Variants in SCEL observed in about 807,000 individuals in gnomAD.
SCEL encodes the protein sciellin.
SCEL carries 113 observed loss-of-function variants against 117.6 expected under a neutral mutation model. The observed-to-expected ratio is 0.96, with a 90% CI of 0.83 to 1.12. The LOEUF (loss-of-function observed/expected upper bound fraction) is 1.12, where lower values mean the gene tolerates loss of function less well. Ranked by LOEUF, SCEL falls within the 50% of genes most tolerant of loss-of-function variation. SCEL has a pLI of 0.00. For missense variants in SCEL, 785 were observed against 810.8 expected (o/e 0.97, Z 0.39); for synonymous variants, 270 against 256.2 (o/e 1.05, Z -0.51).
At chr13:77,609,991 C>T in intron 21 of SCEL, 56 bp from the exon 22 acceptor site, 1 of 1,093,082 alleles carries the variant, frequency 9.1e-7, no homozygotes, top group Non-Finnish European at 1.3e-6. Flanking sequence ...TTTTAACAAA[C>T]ACTTGAAACC....
chr13:77,551,052 G>C (rs1376654944), intron 1 of SCEL, among the ~76,000 whole-genome samples: 1 of 152,202 alleles, frequency 6.6e-6, no homozygotes, highest in Non-Finnish European at 1.5e-5. Context: ...CAGCAGCCTA[G>C]TCTTGCAGTG....
At chr13:77,609,001 A>G (rs1024492673) in intron 20 of SCEL, 57 bp from the exon 21 acceptor site, 9 of 1,346,336 alleles carry the variant, frequency 6.7e-6, no homozygotes, top group Non-Finnish European at 9.3e-6. Flanking sequence ...AAATCAAAAC[A>G]GTCAATTGAT....
chr13:77,576,693 T>G (rs1024859575), intron 9 of SCEL, among the ~76,000 whole-genome samples: 4 of 152,216 alleles, frequency 2.6e-5, no homozygotes, highest in Non-Finnish European at 5.9e-5. Context: ...GGTAGTTTAA[T>G]GGGAATAGCA....
At chr13:77,633,442 CAAAA>C (rs59939208) in intron 28 of SCEL, among the ~76,000 whole-genome samples, 1,210 of 29,964 alleles carry the variant, frequency 0.04, 32 homozygotes, top group African/African-American at 0.11. Flanking sequence ...GACTCCGCCT[CAAAA>C]AAAAAAAAAA....
At position 77,621,474 on chromosome 13, in the gene SCEL, CT is replaced by C. The variant is rs747011454; in HGVS notation, c.1628+3415del. ...CTCACTCAGGCTCTGGGAAGCCCCC[CT>C]GACCCACCATGTGTGCATCAGATGC... On this transcript the variant is annotated intron_variant, in intron 27 of 32. Transcript: ENST00000349847. Among the ~76,000 whole-genome samples the C allele has an allele frequency of 1.4e-3, 210 of 152,320 alleles. 3 individuals are homozygous for C. Among genetic ancestry groups the C allele is most frequent in the East Asian group, 1.2e-3 (6 of 5,178 alleles).
Position 77,569,973 on chromosome 13 carries a change from G to A in SCEL, c.479+522G>A, listed in dbSNP as rs188434543. Among the ~76,000 whole-genome samples the A allele has an allele frequency of 2.5e-3, 377 of 152,278 alleles. 2 individuals are homozygous for A. The highest frequency in any genetic ancestry group is 8.3e-3 in the African/African-American group (346 of 41,548). ...GTCCTATGTAATTAGCAGGTACAGA[G>A]GAGTAGTTGGACCAATGGTGACCAA... On this transcript the variant is annotated intron_variant, in intron 8 of 32. Transcript: ENST00000349847.
At chr13:77,591,688 A>G (rs2086880318) in intron 11 of SCEL, among the ~76,000 whole-genome samples, 1 of 152,220 alleles carries the variant, frequency 6.6e-6, no homozygotes, top group Admixed American at 6.5e-5. Flanking sequence ...TGAACAAGGT[A>G]ACAGGATAAG....
chr13:77,552,015 G>A (rs916636694), intron 1 of SCEL, among the ~76,000 whole-genome samples: 1 of 151,614 alleles, frequency 6.6e-6, no homozygotes, highest in African/African-American at 2.4e-5. Context: ...CCCTACAAAG[G>A]ACATGAACTC....
At chr13:77,584,140 A>T (rs1007055599) in intron 9 of SCEL, among the ~76,000 whole-genome samples, 8 of 152,208 alleles carry the variant, frequency 5.3e-5, no homozygotes, top group Admixed American at 5.2e-4. Context: ...AATTCAATGA[A>T]GATCATTCCA....
intron 27 of SCEL, among the ~76,000 whole-genome samples, chr13:77,626,617 A>G (rs73231004): frequency 0.17 from 25,245 of 152,026 alleles, 2,446 homozygotes; most frequent in East Asian, 0.45. Context: ...GAGATCTGAT[A>G]GTTTAAAAGT....
chr13:77,546,075 G>A (rs1430839727), intron 1 of SCEL, among the ~76,000 whole-genome samples: 1 of 152,178 alleles, frequency 6.6e-6, no homozygotes, highest in East Asian at 1.9e-4. Context: ...GATAGATTCA[G>A]GGAAGGAGTC....
intron 1 of SCEL, 86 bp from the exon 2 acceptor site, chr13:77,555,771 G>T: frequency 1.1e-6 from 1 of 899,244 alleles, no homozygotes; most frequent in South Asian, 1.5e-5. Context: ...CACTGTCATT[G>T]AAAAGTGAAT....
chr13:77,547,354 C>CT lies in SCEL; in HGVS notation c.-19-8496dup, dbSNP rs1325077923. 5.3e-5 allele frequency among the ~76,000 whole-genome samples: 8 copies of CT among 152,078 alleles called. No homozygotes were observed. In the East Asian group the frequency reaches 5.8e-4, roughly 11 times the overall value. On this transcript the variant is annotated intron_variant, in intron 1 of 32. Transcript: ENST00000349847. Reference sequence around the variant, plus strand: ...ACTAACTGCTTTAAGAATGAAAATTCTTTTTTTAAAATAAAAAAATTCATG... The same window carrying CT: ...ACTAACTGCTTTAAGAATGAAAATTCTTTTTTTTAAAATAAAAAAATTCATG...
intron 5 of SCEL, among the ~76,000 whole-genome samples, chr13:77,565,682 G>C (rs1017936189): frequency 6.6e-6 from 1 of 152,192 alleles, no homozygotes; most frequent in African/African-American, 2.4e-5. Context: ...TTTTAATAAT[G>C]ATGCACTTGT....
chr13:77,618,014 G>A lies in SCEL; in HGVS notation c.1582G>A (p.Asp528Asn), dbSNP rs2089183616. The A allele has an allele frequency of 6.2e-7, 1 of 1,613,212 alleles. No homozygotes were observed. The highest frequency in any genetic ancestry group is 1.1e-5 in the South Asian group (1 of 91,050). The change falls in exon 27 of 33, where the codon GAC (aspartate) becomes AAC (asparagine). Residue 528 changes from aspartate (D) to asparagine (N), a missense_variant. Asp to Asn is a conservative substitution (Grantham distance 23, BLOSUM62 1). Coordinates refer to ENST00000349847, the MANE Select transcript of SCEL (RefSeq NM_144777.3). ...VIRNNQSQDL[D>N]NLIKVKPSAL... ...CTCTCTTTTAAACAGCCAAGACTTG[G>A]ACAATCTTATTAAAGTGAAACCTTC...
At chr13:77,639,091 C>CATGCAGTGGATGCTCTTT (rs2090438333) in intron 30 of SCEL, among the ~76,000 whole-genome samples, 1 of 152,022 alleles carries the variant, frequency 6.6e-6, no homozygotes, top group South Asian at 2.1e-4. Flanking sequence ...ATCTAGTTTC[C>CATGCAGTGGATGCTCTTT]CCAGTGGAAA....
intron 27 of SCEL, among the ~76,000 whole-genome samples, chr13:77,622,767 C>T (rs956814009): frequency 9.2e-5 from 14 of 152,036 alleles, no homozygotes; most frequent in Non-Finnish European, 1.5e-4. Context: ...GAAGCTAAGA[C>T]GGGAAGATTG....
At chr13:77,640,629 C>G (rs747801284) in intron 30 of SCEL, 47 bp from the exon 31 acceptor site, 1 of 977,392 alleles carries the variant, frequency 1.0e-6, no homozygotes, top group Non-Finnish European at 1.6e-6. Flanking sequence ...ATACATCTGT[C>G]TTCTGTATTA....
intron 9 of SCEL, among the ~76,000 whole-genome samples, chr13:77,574,651 T>C (rs571708049): frequency 6.6e-6 from 1 of 152,302 alleles, no homozygotes; most frequent in East Asian, 1.9e-4. Flanking sequence ...AATAGCCTTT[T>C]TAGTAAATTC....
Sources: gnomAD v4.1 joint callset for allele counts (sites outside exome capture counted in the v4.1 genomes callset) on GRCh38, gnomAD v4.1.1 for gene constraint, MANE v1.5 for transcripts, NCBI Gene and HGNC (gene_info 2026-07-23, HGNC 2026-07-21) for gene names.